The following OTUD7A variants were observed in gnomAD, a reference collection of about 807,000 sequenced individuals.
OTUD7A encodes the protein OTU deubiquitinase 7A.
Under a neutral mutation model 65.7 loss-of-function variants are expected in OTUD7A, and 12 were observed. The ratio of observed to expected loss-of-function variants is 0.18; its 90% CI spans 0.12 to 0.30. OTUD7A has a LOEUF of 0.30. Among genes scored for constraint, OTUD7A ranks in the 10% least tolerant of loss-of-function variants. OTUD7A has a pLI of 1.00. For missense variants in OTUD7A, 1,148 were observed against 1,304.8 expected, an observed-to-expected ratio of 0.88 and a Z score of 1.85; for synonymous variants, 641 against 586.3, an observed-to-expected ratio of 1.09 and a Z score of -1.35.
intron 3 of OTUD7A, among the ~76,000 whole-genome samples, chr15:31,618,849 C>T (rs181651204): frequency 0.18 from 26,960 of 151,978 alleles, 2,572 homozygotes; most frequent in East Asian, 0.25. Context: ...AGTCCTTGCC[C>T]ATGCCTATGT....
chr15:31,850,998 A>C (rs1311009874), intron 1 of OTUD7A, among the ~76,000 whole-genome samples: 1 of 152,220 alleles, frequency 6.6e-6, no homozygotes, highest in African/African-American at 2.4e-5. Flanking sequence ...CACCAAGCTC[A>C]GGTAATAAAT....
At chr15:31,544,408 G>A (rs1888071409) in intron 5 of OTUD7A, among the ~76,000 whole-genome samples, 1 of 151,508 alleles carries the variant, frequency 6.6e-6, no homozygotes, top group South Asian at 2.1e-4. Context: ...GTCTATAAGA[G>A]GTATAGAGGG....
At chr15:31,561,779 CAG>C (rs1229573309) in intron 4 of OTUD7A, among the ~76,000 whole-genome samples, 3 of 134,964 alleles carry the variant, frequency 2.2e-5, no homozygotes, top group East Asian at 2.2e-4. Context: ...CACACACACA[CAG>C]AGTCACACAC....
intron 8 of OTUD7A, among the ~76,000 whole-genome samples, chr15:31,515,952 A>ATCCC (rs2041846589): frequency 2.0e-5 from 3 of 148,148 alleles, no homozygotes. Context: ...CCATCCATCC[A>ATCCC]TCCACCCACC....
intron 1 of OTUD7A, among the ~76,000 whole-genome samples, chr15:31,746,220 C>T (rs1043897948): frequency 6.6e-6 from 1 of 152,194 alleles, no homozygotes; most frequent in Admixed American, 6.5e-5. Flanking sequence ...TGTGTCTACA[C>T]ACACAAAGAC....
chr15:31,718,424 A>G (rs903987035), intron 1 of OTUD7A, among the ~76,000 whole-genome samples: 5 of 151,808 alleles, frequency 3.3e-5, no homozygotes, highest in African/African-American at 1.2e-4. Context: ...TCCCCCATTT[A>G]TTTCTCTATT....
intron 1 of OTUD7A, 150 bp downstream of exon 1, chr15:31,870,357 C>A: frequency 6.8e-6 from 1 of 146,810 alleles, no homozygotes; most frequent in South Asian, 1.9e-4. Context: ...GCGCCCCGGC[C>A]CCGCGGTCGC....
intron 8 of OTUD7A, among the ~76,000 whole-genome samples, chr15:31,512,600 G>T (rs2141100729): frequency 6.6e-6 from 1 of 152,254 alleles, no homozygotes; most frequent in East Asian, 1.9e-4. Flanking sequence ...GGCTGGAACG[G>T]GATTTTACAT....
At chr15:31,710,230 G>A (rs1893407371) in intron 1 of OTUD7A, among the ~76,000 whole-genome samples, 1 of 148,782 alleles carries the variant, frequency 6.7e-6, no homozygotes, top group African/African-American at 2.5e-5. Context: ...TGTCTTTTTT[G>A]TAATCAGAAA....
intron 1 of OTUD7A, among the ~76,000 whole-genome samples, chr15:31,712,863 T>C (rs1166861681): frequency 2.7e-5 from 4 of 148,500 alleles, no homozygotes; most frequent in African/African-American, 1.0e-4. Flanking sequence ...CACAGAATCC[T>C]TTCTCCTCCC....
At chr15:31,690,054 T>C (rs1892928128) in intron 1 of OTUD7A, among the ~76,000 whole-genome samples, 1 of 152,230 alleles carries the variant, frequency 6.6e-6, no homozygotes, top group Non-Finnish European at 1.5e-5. Context: ...TAAAATTTAA[T>C]TTTTACTCAG....
At chr15:31,640,834 G>T (rs908565598) in intron 3 of OTUD7A, among the ~76,000 whole-genome samples, 2 of 152,196 alleles carry the variant, frequency 1.3e-5, no homozygotes, top group Non-Finnish European at 2.9e-5. Context: ...ACCCCTTTGT[G>T]CATATGTGTG....
At chr15:31,810,093 A>G (rs1896379925) in intron 1 of OTUD7A, among the ~76,000 whole-genome samples, 1 of 152,232 alleles carries the variant, frequency 6.6e-6, no homozygotes, top group Non-Finnish European at 1.5e-5. Context: ...AAGGTGGTGC[A>G]GATGGTGCAG....
chr15:31,610,614 TATA>T (rs1188724839), intron 3 of OTUD7A, among the ~76,000 whole-genome samples: 5 of 47,316 alleles, frequency 1.1e-4, no homozygotes, highest in African/African-American at 3.7e-4. Flanking sequence ...TATATATATA[TATA>T]TTTTTTTTTT....
intron 5 of OTUD7A, chr15:31,558,158 T>G (rs1888559264): frequency 6.6e-6 from 1 of 152,234 alleles, no homozygotes; most frequent in Admixed American, 6.5e-5. Flanking sequence ...CATAACATCT[T>G]CCACATGCGT....
intron 10 of OTUD7A, among the ~76,000 whole-genome samples, chr15:31,500,559 C>A (rs544778916): frequency 6.6e-6 from 1 of 152,260 alleles, no homozygotes; most frequent in Non-Finnish European, 1.5e-5. Context: ...GGAAGTGACA[C>A]GCTGGTGCCG....
At chr15:31,538,464 T>C (rs1887876677) in intron 5 of OTUD7A, among the ~76,000 whole-genome samples, 1 of 152,154 alleles carries the variant, frequency 6.6e-6, no homozygotes, top group African/African-American at 2.4e-5. Context: ...TGTCAGGGGA[T>C]GTTATTCCCA....
intron 3 of OTUD7A, chr15:31,649,755 G>A (rs1021067586): frequency 2.2e-6 from 1 of 445,204 alleles, no homozygotes; most frequent in Non-Finnish European, 4.6e-6. Flanking sequence ...TGTCCCACTG[G>A]GTGCAGCCGG....
intron 3 of OTUD7A, among the ~76,000 whole-genome samples, chr15:31,624,862 T>C (rs1017739827): frequency 2.9e-4 from 44 of 152,244 alleles, no homozygotes; most frequent in Non-Finnish European, 5.4e-4. Context: ...CTCCCTGAGG[T>C]GGCTGCTTCC....
Sources: allele counts gnomAD v4.1 joint callset (sites outside exome capture counted in the v4.1 genomes callset), GRCh38; gene constraint gnomAD v4.1.1; transcripts MANE v1.5; gene names NCBI Gene and HGNC (gene_info 2026-07-23, HGNC 2026-07-21).